MRPS28: variants seen among roughly 807,000 people sequenced by gnomAD.
MRPS28 encodes the protein mitochondrial ribosomal protein S28, also known as small ribosomal subunit protein bS1m.
A neutral mutation model predicts 10.8 loss-of-function variants in MRPS28; 7 were observed. That is an observed-to-expected ratio of 0.65 (90% confidence interval 0.37 to 1.22). The LOEUF (loss-of-function observed/expected upper bound fraction) is 1.22, where lower values mean the gene tolerates loss of function less well. Among genes scored for constraint, MRPS28 ranks in the 50% most tolerant of loss-of-function variants. The pLI is 0.02. For missense variants in MRPS28, 265 were observed against 232.9 expected, an observed-to-expected ratio of 1.14 and a Z score of -0.90; for synonymous variants, 121 against 93.3, an observed-to-expected ratio of 1.30 and a Z score of -1.71.
chr8:79,948,624 A>G (rs893544742), intron 2 of MRPS28, among the ~76,000 whole-genome samples: 5 of 152,344 alleles, frequency 3.3e-5, no homozygotes, highest in Admixed American at 1.3e-4. Flanking sequence ...AATGACCTCA[A>G]TCAGCTTAAG....
At chr8:80,004,032 C>A (rs1435182607) in intron 1 of MRPS28, among the ~76,000 whole-genome samples, 1 of 152,216 alleles carries the variant, frequency 6.6e-6, no homozygotes, top group East Asian at 1.9e-4. Context: ...AGGAGGCCTG[C>A]CTGCCTCTGT....
chr8:79,939,710 C>A (rs1257246248), intron 2 of MRPS28, among the ~76,000 whole-genome samples: 1 of 152,128 alleles, frequency 6.6e-6, no homozygotes, highest in Non-Finnish European at 1.5e-5. Flanking sequence ...GTGGCTCACA[C>A]CTGTAATCCC....
chr8:79,982,568 G>A (rs1234352211), intron 2 of MRPS28, among the ~76,000 whole-genome samples: 2 of 152,204 alleles, frequency 1.3e-5, no homozygotes, highest in African/African-American at 2.4e-5. Flanking sequence ...CCCTAATACT[G>A]CGCTTTTCCG....
chr8:79,962,307 T>C (rs1807392250), intron 2 of MRPS28, among the ~76,000 whole-genome samples: 1 of 152,082 alleles, frequency 6.6e-6, no homozygotes. Context: ...CACCCAAGCT[T>C]ACTCTGAGAA....
chr8:79,926,447 A>C (rs1465450552), intron 2 of MRPS28, among the ~76,000 whole-genome samples: 2 of 152,234 alleles, frequency 1.3e-5, no homozygotes, highest in East Asian at 3.8e-4. Context: ...TAAGGCATTA[A>C]GGTATGAAAA....
rs771833987 is a variant in MRPS28 at position 80,028,645 on chromosome 8, C to CGGGCGGGGGGGGGGGGCG, written c.213+1390_213+1391insCGCCCCCCCCCCCCGCCC. On this transcript the variant is annotated intron_variant, in intron 1 of 2. Coordinates refer to ENST00000276585, the MANE Select transcript of MRPS28 (RefSeq NM_014018.3). ...TCACAGGGATCTCAAAAGCAGAAGA[C>CGGGCGGGGGGGGGGGGCG]GGGCGGGGGGGGCGGGGCCGGGCGG... 3 of 3,332 alleles carry CGGGCGGGGGGGGGGGGCG rather than the reference C, an allele frequency of 9.0e-4. 1 individual carries two copies. Among genetic ancestry groups the CGGGCGGGGGGGGGGGGCG allele is most frequent in the Non-Finnish European group, 1.5e-3 (3 of 1,944 alleles). 0.2% of individuals were successfully genotyped at this position (3,332 alleles called of 1,614,324 possible).
chr8:79,920,742 T>C (rs1271977357), intron 2 of MRPS28, among the ~76,000 whole-genome samples: 1 of 152,216 alleles, frequency 6.6e-6, no homozygotes, highest in Non-Finnish European at 1.5e-5. Flanking sequence ...GTAGGTTACC[T>C]CTTCACTCTG....
intron 2 of MRPS28, among the ~76,000 whole-genome samples, chr8:79,982,077 T>C (rs752440468): frequency 2.0e-5 from 3 of 152,108 alleles, no homozygotes; most frequent in Non-Finnish European, 2.9e-5. Context: ...TGAAACCCCA[T>C]CTCTACTAAA....
chr8:79,921,401 A>G (rs564750122), intron 2 of MRPS28, among the ~76,000 whole-genome samples: 1 of 152,128 alleles, frequency 6.6e-6, no homozygotes, highest in East Asian at 1.9e-4. Context: ...TTTTCACCAT[A>G]TTGATTCTTC....
chr8:79,998,244 C>A (rs1381592418), intron 2 of MRPS28, among the ~76,000 whole-genome samples: 1 of 152,130 alleles, frequency 6.6e-6, no homozygotes, highest in Non-Finnish European at 1.5e-5. Flanking sequence ...ATTGATTTGA[C>A]AAATCAGTTA....
At chr8:79,958,328 C>G in intron 2 of MRPS28, 1 of 689,788 alleles carries the variant, frequency 1.4e-6, no homozygotes, top group Middle Eastern at 2.3e-4. Flanking sequence ...TGTTGTATTA[C>G]AACTTCTTTA....
intron 2 of MRPS28, among the ~76,000 whole-genome samples, chr8:79,933,359 C>T (rs1433129456): frequency 2.6e-5 from 4 of 152,286 alleles, no homozygotes; most frequent in Non-Finnish European, 5.9e-5. Flanking sequence ...ATGAGGCCAC[C>T]AATCCCACTG....
chr8:79,995,363 C>T (rs1342446920), intron 2 of MRPS28, among the ~76,000 whole-genome samples: 1 of 152,204 alleles, frequency 6.6e-6, no homozygotes, highest in East Asian at 1.9e-4. Flanking sequence ...TAAAGCAATT[C>T]TTTGGGCTTA....
intron 2 of MRPS28, among the ~76,000 whole-genome samples, chr8:79,929,172 G>C (rs1368169386): frequency 6.6e-6 from 1 of 152,148 alleles, no homozygotes; most frequent in East Asian, 1.9e-4. Flanking sequence ...AACTACATAA[G>C]TACAGAAAAG....
At chr8:79,936,132 A>T (rs1806598673) in intron 2 of MRPS28, among the ~76,000 whole-genome samples, 1 of 151,952 alleles carries the variant, frequency 6.6e-6, no homozygotes, top group African/African-American at 2.4e-5. Context: ...GGATTGCTTG[A>T]GGCCAGGAGT....
intron 2 of MRPS28, among the ~76,000 whole-genome samples, chr8:79,944,479 T>C (rs1440788590): frequency 1.3e-5 from 2 of 152,166 alleles, no homozygotes; most frequent in Non-Finnish European, 2.9e-5. Context: ...GCAGCAAAAT[T>C]TGGTCTGAGA....
At chr8:79,928,387 G>A (rs545614118) in intron 2 of MRPS28, among the ~76,000 whole-genome samples, 15 of 152,098 alleles carry the variant, frequency 9.9e-5, no homozygotes, top group African/African-American at 3.6e-4. Context: ...TAGAGTTCGT[G>A]ACTTGACCAT....
chr8:80,014,536 C>T (rs1013579076), intron 1 of MRPS28, among the ~76,000 whole-genome samples: 3 of 152,176 alleles, frequency 2.0e-5, no homozygotes, highest in Non-Finnish European at 2.9e-5. Context: ...TTGGCTCTAC[C>T]GCTTACCAGC....
At chr8:80,019,233 A>C (rs1809287650) in intron 1 of MRPS28, among the ~76,000 whole-genome samples, 1 of 150,984 alleles carries the variant, frequency 6.6e-6, no homozygotes, top group Non-Finnish European at 1.5e-5. Context: ...AAATGCTTGA[A>C]GGAATGGATA....
Sources: gnomAD v4.1 joint callset for allele counts (sites outside exome capture counted in the v4.1 genomes callset) on GRCh38, gnomAD v4.1.1 for gene constraint, MANE v1.5 for transcripts, NCBI Gene and HGNC (gene_info 2026-07-23, HGNC 2026-07-21) for gene names.